HEATR5B: variants seen among roughly 807,000 people sequenced by gnomAD.
The protein encoded by HEATR5B is HEAT repeat containing 5B, also known as HEAT repeat-containing protein 5B.
HEATR5B carries 156 observed loss-of-function variants against 224.1 expected under a neutral mutation model. The ratio of observed to expected loss-of-function variants is 0.70; its 90% CI spans 0.61 to 0.80. HEATR5B has a LOEUF of 0.80. HEATR5B is among the 30% of genes least tolerant of loss of function. HEATR5B has a pLI of 0.00. For missense variants in HEATR5B, 2,323 were observed against 2,535.5 expected, an observed-to-expected ratio of 0.92 and a Z score of 1.80; for synonymous variants, 1,027 against 893.0, an observed-to-expected ratio of 1.15 and a Z score of -2.68.
Position 37,008,872 on chromosome 2 carries a change from A to T in HEATR5B, c.4285-24T>A. The T allele has an allele frequency of 3.0e-6, 4 of 1,329,434 alleles. No individual in the cohort carries two copies. The African/African-American group carries it at 4.4e-5, about 15-fold the overall frequency. 82.4% of individuals were successfully genotyped at this position (1,329,434 alleles called of 1,614,324 possible). A position where few individuals can be genotyped will look rare whatever the true frequency, so the allele number is the denominator to read the frequency against. The stretch of plus-strand genomic sequence containing the variant: ...ACCTAATATGATATTTATGAGGACA[A>T]AATAGTAAGGCATAAGATAAAAAAA... On this transcript the variant is annotated intron_variant, in intron 27 of 35. Transcript: ENST00000233099.
intron 28 of HEATR5B, chr2:37,008,194 G>T: frequency 5.8e-6 from 1 of 172,060 alleles, no homozygotes; most frequent in Non-Finnish European, 1.3e-5. Context: ...TTTCTACACT[G>T]ATTTTGATAA....
At chr2:36,995,087 G>GTTTTTTTTTTTTTTTTT (rs775120824) in intron 33 of HEATR5B, among the ~76,000 whole-genome samples, 2 of 104,132 alleles carry the variant, frequency 1.9e-5, no homozygotes, top group African/African-American at 4.1e-5. Flanking sequence ...GTTATTCCTT[G>GTTTTTTTTTTTTTTTTT]TTTTTTTTTT....
intron 35 of HEATR5B, among the ~76,000 whole-genome samples, chr2:36,986,216 T>C (rs1363350046): frequency 1.3e-5 from 2 of 152,250 alleles, no homozygotes; most frequent in Non-Finnish European, 2.9e-5. Context: ...ACATAGGCCA[T>C]GTCAGTCATA....
chr2:36,981,338 G>A lies in HEATR5B; in HGVS notation c.*152C>T, dbSNP rs1665568536. 2.0e-6 allele frequency: 1 copy of A among 490,412 alleles called. No individual in the cohort carries two copies. The highest frequency in any genetic ancestry group is 4.4e-5 in the South Asian group (1 of 22,476). 30.4% of individuals were successfully genotyped at this position (490,412 alleles called of 1,614,324 possible). ...AATCACTCCTTAAAAATCAATAAGT[G>A]GTGTGAGCATTATTTCACTTAACCT... On this transcript the variant is annotated 3_prime_UTR_variant, in exon 36 of 36. Transcript: ENST00000233099.
At chr2:37,028,198 G>C in intron 23 of HEATR5B, 24 bp from the exon 24 acceptor site, 1 of 1,513,802 alleles carries the variant, frequency 6.6e-7, no homozygotes, top group South Asian at 1.3e-5. Context: ...AAGGAATATT[G>C]TAACAATCTC....
At chr2:37,032,892 T>G (rs1273073353) in intron 21 of HEATR5B, 119 bp from the exon 22 acceptor site, 15 of 923,666 alleles carry the variant, frequency 1.6e-5, no homozygotes, top group Non-Finnish European at 2.0e-5. Flanking sequence ...TTGTTTTTTT[T>G]TTTTTGAGAC....
At chr2:37,007,682 A>G (rs1667520471) in intron 28 of HEATR5B, among the ~76,000 whole-genome samples, 1 of 152,194 alleles carries the variant, frequency 6.6e-6, no homozygotes, top group Non-Finnish European at 1.5e-5. Context: ...CCACTAACAA[A>G]AATACCTGTT....
chr2:36,984,707 C>A (rs2148315759), intron 35 of HEATR5B, among the ~76,000 whole-genome samples: 1 of 152,102 alleles, frequency 6.6e-6, no homozygotes, highest in Non-Finnish European at 1.5e-5. Flanking sequence ...CGTTGGGGAG[C>A]AGAAAAAATA....
Position 37,068,953 on chromosome 2 carries a change from C to A in HEATR5B, c.928-23G>T, listed in dbSNP as rs376518075. The A allele has an allele frequency of 6.2e-6, 10 of 1,603,008 alleles. No homozygotes were observed. The African/African-American group carries it at 1.3e-4, about 21-fold the overall frequency. On this transcript the variant is annotated intron_variant, in intron 7 of 35. Transcript: ENST00000233099. ...CGCCTGTAAAAAGAGGAAGGTACGACTTCAGATACACTTACATAACTGAAC... is the reference window on the plus strand; with the variant it reads ...CGCCTGTAAAAAGAGGAAGGTACGAATTCAGATACACTTACATAACTGAAC...
intron 24 of HEATR5B, among the ~76,000 whole-genome samples, chr2:37,027,385 A>T (rs2148458633): frequency 6.6e-6 from 1 of 152,340 alleles, no homozygotes; most frequent in East Asian, 1.9e-4. Flanking sequence ...TTCAGGGGAT[A>T]CATGGTATAA....
intron 18 of HEATR5B, among the ~76,000 whole-genome samples, chr2:37,047,072 G>T (rs996899870): frequency 7.4e-5 from 11 of 149,150 alleles, no homozygotes; most frequent in African/African-American, 2.7e-4. Flanking sequence ...AGCTGGGTGT[G>T]GTGTCTCCCT....
In HEATR5B at chr2:37,028,717, G is replaced by C. The variant is rs767625077; in HGVS notation, c.3565C>G (p.Leu1189Val). ...GCCAGGACATCTTTACAAAGCATTA[G>C]CCAATGAGAAAGTTTTTCTACTGCC... ...SLAVEKLSHW[L>V]MLCKDVLAAS... The change falls in exon 23 of 36, where the codon CTA becomes GTA. Residue 1189 changes from leucine (L) to valine (V), a missense_variant. Leu to Val is a conservative substitution (Grantham distance 32). Around this residue, in one of 12 missense-constraint regions of HEATR5B, gnomAD observed 339 missense variants for 378.4 expected, o/e 0.90. Transcript: ENST00000233099. 8 of 1,613,678 alleles carry C rather than the reference G, an allele frequency of 5.0e-6. No homozygotes were observed. Among genetic ancestry groups the C allele is most frequent in the Non-Finnish European group, 6.8e-6 (8 of 1,179,790 alleles).
chr2:37,055,176 A>C (rs1156369313), intron 16 of HEATR5B: 2 of 316,598 alleles, frequency 6.3e-6, no homozygotes, highest in Non-Finnish European at 1.3e-5. Context: ...TTACCTTTTT[A>C]ATTTAACATT....
intron 12 of HEATR5B, among the ~76,000 whole-genome samples, chr2:37,059,246 A>T (rs931112840): frequency 6.6e-6 from 1 of 151,066 alleles, no homozygotes; most frequent in East Asian, 1.9e-4. Context: ...AATTCAGAGG[A>T]CTATGATCCC....
chr2:37,040,268 C>T, intron 20 of HEATR5B, 61 bp downstream of exon 20: 1 of 1,314,958 alleles, frequency 7.6e-7, no homozygotes, highest in Non-Finnish European at 1.1e-6. Flanking sequence ...TGGTGATATT[C>T]AGGAAATTTA....
At position 37,011,146 on chromosome 2, in the gene HEATR5B, T is replaced by A. The variant is rs560188498; in HGVS notation, c.4285-2298A>T. Among the ~76,000 whole-genome samples, 9 of 152,310 alleles carry A rather than the reference T, an allele frequency of 5.9e-5. No homozygotes were observed. The East Asian group carries it at 1.7e-3, about 29-fold the overall frequency. ...CTCGGCAGTTTATGCAATGAGTGAA[T>A]GAATCTCAGGGAACATCACAGATAA... On this transcript the variant is annotated intron_variant, in intron 27 of 35. Transcript: ENST00000233099.
chr2:37,019,660 T>C, intron 26 of HEATR5B, 149 bp downstream of exon 26: 1 of 579,030 alleles, frequency 1.7e-6, no homozygotes, highest in Non-Finnish European at 3.1e-6. Context: ...TTTCCCCATG[T>C]TGGCCAGGCT....
At chr2:37,034,826 G>A (rs1669376501) in intron 21 of HEATR5B, among the ~76,000 whole-genome samples, 1 of 151,894 alleles carries the variant, frequency 6.6e-6, no homozygotes, top group Non-Finnish European at 1.5e-5. Context: ...CCAAAGCACT[G>A]GGATTACAGG....
At chr2:37,058,317 C>G (rs536268765) in intron 14 of HEATR5B, 134 bp downstream of exon 14, 1 of 612,626 alleles carries the variant, frequency 1.6e-6, no homozygotes, top group African/African-American at 1.9e-5. Context: ...ATCAGCTACT[C>G]TACATGAAGA....
Sources: gnomAD v4.1 joint callset for allele counts (sites outside exome capture counted in the v4.1 genomes callset) on GRCh38, gnomAD v4.1.1 for gene constraint, gnomAD v4.1.1 regional missense constraint, MANE v1.5 for transcripts, NCBI Gene and HGNC (gene_info 2026-07-23, HGNC 2026-07-21) for gene names.